The following IL6R variants were observed in gnomAD, a reference collection of about 807,000 sequenced individuals.
The protein encoded by IL6R is interleukin-6 receptor subunit alpha.
In IL6R, 38 loss-of-function variants were observed where a neutral mutation model predicts 48.3. The observed-to-expected ratio is 0.79, with a 90% CI of 0.61 to 1.03. The LOEUF (loss-of-function observed/expected upper bound fraction) is 1.03, where lower values mean the gene tolerates loss of function less well. Ranked by LOEUF, IL6R falls within the 50% of genes least tolerant of loss-of-function variation. The pLI, the probability that IL6R is intolerant of heterozygous loss-of-function variation, is 0.00. For synonymous variants in IL6R, 264 were observed against 256.2 expected (o/e 1.03, Z -0.29); for missense variants, 534 against 618.3 (o/e 0.86, Z 1.45).
In IL6R at chr1:154,429,377, C is replaced by T. The variant is rs142365714; in HGVS notation, c.267C>T (p.His89=). The change falls in exon 2 of 10, where the codon CAC becomes CAT. Residue 89 remains histidine (H), a synonymous_variant. Coordinates refer to ENST00000368485, the MANE Select transcript of IL6R (RefSeq NM_000565.4). The part of the protein sequence containing the change: ...RRLLLRSVQL[H]DSGNYSCYRA... ...TGCTGCTGAGGTCGGTGCAGCTCCA[C>T]GACTCTGGAAACTATTCATGCTACC... is the stretch of plus-strand genomic sequence containing the variant. 1.3e-5 allele frequency: 21 copies of T among 1,613,954 alleles called. No individual in the cohort carries two copies. The highest frequency in any genetic ancestry group is 1.6e-4 in the Middle Eastern group (1 of 6,082).
At chr1:154,454,153 CA>C in intron 8 of IL6R, 1 of 340,612 alleles carries the variant, frequency 2.9e-6, no homozygotes, top group South Asian at 3.5e-5. Flanking sequence ...GGAATGTCAC[CA>C]GAAAAGCCAC....
At position 154,468,640 on chromosome 1, in the gene IL6R, G is replaced by A. The variant is rs1691657780; in HGVS notation, c.*3260G>A. ...CACTTCCCTGCTGTCTTGGGAGAAAGGAAACTGGTTGCCGCGGCAGGTTGT... is the reference window on the plus strand; with the variant it reads ...CACTTCCCTGCTGTCTTGGGAGAAAAGAAACTGGTTGCCGCGGCAGGTTGT... On this transcript the variant is annotated 3_prime_UTR_variant, in exon 10 of 10. Transcript: ENST00000368485. 2.0e-5 allele frequency: 3 copies of A among 152,302 alleles called. No individual in the cohort carries two copies. The highest frequency in any genetic ancestry group is 7.2e-5 in the African/African-American group (3 of 41,550). 9.4% of individuals were successfully genotyped at this position (152,302 alleles called of 1,614,324 possible).
At position 154,409,190 on chromosome 1, in the gene IL6R, T is replaced by G. The variant is rs558291406; in HGVS notation, c.85+3476T>G. 3.7e-4 allele frequency among the ~76,000 whole-genome samples: 56 copies of G among 152,308 alleles called. 1 individual carries two copies. The South Asian group carries it at 8.3e-3, about 23-fold the overall frequency. ...AAACTTAGTTTCTTAGTTGCACTAG[T>G]CACATTTTAAGTGCTCAACACTCAC... On this transcript the variant is annotated intron_variant, in intron 1 of 9. Coordinates refer to ENST00000368485, the MANE Select transcript of IL6R (RefSeq NM_000565.4).
intron 4 of IL6R, 134 bp from the exon 5 acceptor site, chr1:154,434,856 G>A (rs1003748189): frequency 2.5e-6 from 3 of 1,197,356 alleles, no homozygotes; most frequent in Non-Finnish European, 3.5e-6. Context: ...CAATGATAAA[G>A]CAGGCCCTTG....
chr1:154,456,880 G>T (rs1690917166), intron 9 of IL6R, among the ~76,000 whole-genome samples: 2 of 152,120 alleles, frequency 1.3e-5, no homozygotes, highest in Non-Finnish European at 2.9e-5. Context: ...TTGGGAAAGG[G>T]GCTGAGAGGA....
intron 1 of IL6R, among the ~76,000 whole-genome samples, chr1:154,428,070 C>T (rs1689073992): frequency 6.6e-6 from 1 of 152,118 alleles, no homozygotes; most frequent in Non-Finnish European, 1.5e-5. Flanking sequence ...GTTCCCTGGC[C>T]TCTGTTTCCT....
intron 1 of IL6R, among the ~76,000 whole-genome samples, chr1:154,427,233 C>A (rs1011256699): frequency 7.3e-5 from 11 of 151,674 alleles, no homozygotes; most frequent in Non-Finnish European, 1.3e-4. Flanking sequence ...TTGCTGAGGA[C>A]CAGGACAGTA....
In IL6R at chr1:154,465,471, A is replaced by C. The variant is rs1691513408; in HGVS notation, c.*91A>C. 1 of 1,465,158 alleles carries C rather than the reference A, an allele frequency of 6.8e-7. No homozygotes were observed. Among genetic ancestry groups the C allele is most frequent in the Non-Finnish European group, 9.5e-7 (1 of 1,054,772 alleles). The allele number at this position is 1,465,158 out of a possible 1,614,324, so 90.8% of individuals were successfully genotyped here. A position where few individuals can be genotyped will look rare whatever the true frequency, so the allele number is the denominator to read the frequency against. ...ATGCTTCTCACTGCCATGCCAGCTT[A>C]TCTCAGGGGTGTGCGGCCTTTGGCT... On this transcript the variant is annotated 3_prime_UTR_variant, in exon 10 of 10. Transcript: ENST00000368485.
At chr1:154,441,909 T>C (rs975318615) in intron 6 of IL6R, among the ~76,000 whole-genome samples, 7 of 152,130 alleles carry the variant, frequency 4.6e-5, no homozygotes, top group Admixed American at 2.6e-4. Flanking sequence ...AAAGTAGAGA[T>C]GATAGCACCA....
chr1:154,436,215 G>T (rs2149246083), intron 6 of IL6R, 105 bp downstream of exon 6: 1 of 1,310,240 alleles, frequency 7.6e-7, no homozygotes, highest in Non-Finnish European at 1.0e-6. Context: ...CTTAGGCCAG[G>T]TGTGGTGGCT....
intron 8 of IL6R, chr1:154,454,235 G>C: frequency 3.8e-6 from 2 of 522,530 alleles, no homozygotes; most frequent in Non-Finnish European, 6.9e-6. Context: ...TGTCTCTCTT[G>C]CCAAGTGGTG....
At chr1:154,442,531 T>C (rs1689994274) in intron 6 of IL6R, among the ~76,000 whole-genome samples, 1 of 152,148 alleles carries the variant, frequency 6.6e-6, no homozygotes. Flanking sequence ...AGAGTGGGGC[T>C]CTGGAGCCTG....
intron 1 of IL6R, among the ~76,000 whole-genome samples, chr1:154,420,443 C>T (rs1284475234): frequency 6.6e-6 from 1 of 151,786 alleles, no homozygotes; most frequent in African/African-American, 2.4e-5. Flanking sequence ...ACTCAGGTCA[C>T]CTGACAGCAC....
intron 1 of IL6R, among the ~76,000 whole-genome samples, chr1:154,421,795 T>C (rs989949975): frequency 2.0e-5 from 3 of 151,648 alleles, no homozygotes; most frequent in African/African-American, 7.3e-5. Flanking sequence ...AATTTTAGAG[T>C]TTTTTGGTAG....
At chr1:154,444,582 C>T (rs1690111518) in intron 6 of IL6R, among the ~76,000 whole-genome samples, 1 of 152,128 alleles carries the variant, frequency 6.6e-6, no homozygotes, top group South Asian at 2.1e-4. Flanking sequence ...TTAGCATTTA[C>T]CATCACCATA....
chr1:154,416,712 G>T (rs1046329362), intron 1 of IL6R, among the ~76,000 whole-genome samples: 1 of 152,090 alleles, frequency 6.6e-6, no homozygotes, highest in African/African-American at 2.4e-5. Flanking sequence ...AGGGGGTGGG[G>T]ATGGCTCAGC....
intron 1 of IL6R, among the ~76,000 whole-genome samples, chr1:154,418,792 G>A (rs976880342): frequency 5.9e-5 from 9 of 152,130 alleles, no homozygotes; most frequent in African/African-American, 1.9e-4. Flanking sequence ...CTGCGGCTGT[G>A]GGGGAAGGGA....
In IL6R at chr1:154,466,121, C is replaced by T. The variant is rs1047225548; in HGVS notation, c.*741C>T. 6.5e-6 allele frequency: 1 copy of T among 152,840 alleles called. No individual in the cohort carries two copies. Among genetic ancestry groups the T allele is most frequent in the African/African-American group, 2.4e-5 (1 of 41,454 alleles). The allele number at this position is 152,840 out of a possible 1,614,324, so 9.5% of individuals were successfully genotyped here. A position where few individuals can be genotyped will look rare whatever the true frequency, so the allele number is the denominator to read the frequency against. ...AGGCAACTGCATTGGCTTTGGGTTG[C>T]AGGACCTCAGGTGAGAAGCAGAGGA... On this transcript the variant is annotated 3_prime_UTR_variant, in exon 10 of 10. Transcript: ENST00000368485.
intron 3 of IL6R, among the ~76,000 whole-genome samples, chr1:154,432,813 G>C (rs1198211689): frequency 6.6e-6 from 1 of 152,188 alleles, no homozygotes; most frequent in Admixed American, 6.5e-5. Context: ...AAGTGGCTTC[G>C]AGAGCCTCAG....
Sources: gnomAD v4.1 joint callset for allele counts (sites outside exome capture counted in the v4.1 genomes callset) on GRCh38, gnomAD v4.1.1 for gene constraint, MANE v1.5 for transcripts, NCBI Gene and HGNC (gene_info 2026-07-23, HGNC 2026-07-21) for gene names.